Variants in GUCY1A2 observed in about 807,000 individuals in gnomAD.
GUCY1A2 encodes the protein guanylate cyclase soluble subunit alpha-2.
Under a neutral mutation model 63.5 loss-of-function variants are expected in GUCY1A2, and 27 were observed. That is an observed-to-expected ratio of 0.43 (90% CI 0.31 to 0.59). The LOEUF is 0.59. GUCY1A2 is among the 20% of genes least tolerant of loss of function. GUCY1A2 has a pLI of 0.11. For missense variants in GUCY1A2, 768 were observed against 913.3 expected (o/e 0.84, Z 2.05); for synonymous variants, 364 against 343.5 (o/e 1.06, Z -0.66).
At chr11:106,897,308 A>T (rs1319391400) in intron 4 of GUCY1A2, among the ~76,000 whole-genome samples, 1 of 152,166 alleles carries the variant, frequency 6.6e-6, no homozygotes, top group Non-Finnish European at 1.5e-5. Flanking sequence ...TCTCTGTTAA[A>T]ATCCCAGCAA....
intron 4 of GUCY1A2, among the ~76,000 whole-genome samples, chr11:106,931,943 T>C (rs1442256188): frequency 6.6e-6 from 1 of 152,112 alleles, no homozygotes; most frequent in Non-Finnish European, 1.5e-5. Context: ...TATTGCACTG[T>C]ATACTTACCA....
intron 6 of GUCY1A2, among the ~76,000 whole-genome samples, chr11:106,767,469 A>G (rs909751351): frequency 4.6e-5 from 7 of 152,136 alleles, no homozygotes; most frequent in Non-Finnish European, 8.8e-5. Context: ...CAAATATCAT[A>G]ATAAAACTTT....
chr11:106,876,178 C>A (rs1268061710), intron 4 of GUCY1A2, among the ~76,000 whole-genome samples: 1 of 151,942 alleles, frequency 6.6e-6, no homozygotes, highest in Non-Finnish European at 1.5e-5. Context: ...ATTTACCATT[C>A]CTAACATAAA....
chr11:106,746,178 G>C (rs1022367235), intron 6 of GUCY1A2, among the ~76,000 whole-genome samples: 1 of 151,992 alleles, frequency 6.6e-6, no homozygotes. Flanking sequence ...GAGAGCAGTA[G>C]CTCATAGTGG....
intron 3 of GUCY1A2, among the ~76,000 whole-genome samples, chr11:106,955,444 T>C (rs913399920): frequency 2.0e-5 from 3 of 152,176 alleles, no homozygotes; most frequent in Admixed American, 6.5e-5. Flanking sequence ...CTGGTACTGG[T>C]TTTTCCTTTC....
chr11:106,706,567 C>A (rs1591238566), intron 7 of GUCY1A2, among the ~76,000 whole-genome samples: 1 of 149,150 alleles, frequency 6.7e-6, no homozygotes, highest in Admixed American at 6.7e-5. Flanking sequence ...TTTAATACAT[C>A]ACTATGTAAA....
At chr11:106,987,767 A>C (rs773612730) in intron 1 of GUCY1A2, among the ~76,000 whole-genome samples, 20 of 151,788 alleles carry the variant, frequency 1.3e-4, no homozygotes, top group Non-Finnish European at 2.9e-4. Context: ...CCTACCTAAC[A>C]CTCTTCGAAT....
intron 4 of GUCY1A2, among the ~76,000 whole-genome samples, chr11:106,861,010 G>C (rs1418764543): frequency 1.3e-5 from 2 of 151,894 alleles, no homozygotes; most frequent in African/African-American, 4.8e-5. Context: ...ATGAGAAGAA[G>C]ATTATTTGCT....
chr11:106,932,499 C>T (rs1428990263), intron 4 of GUCY1A2, among the ~76,000 whole-genome samples: 2 of 151,954 alleles, frequency 1.3e-5, no homozygotes, highest in Admixed American at 6.6e-5. Flanking sequence ...TGAGCCTTGT[C>T]GCTCATAGTT....
intron 5 of GUCY1A2, among the ~76,000 whole-genome samples, chr11:106,805,248 A>ATTT (rs11424210): frequency 7.0e-6 from 1 of 143,056 alleles, no homozygotes; most frequent in South Asian, 2.2e-4. Context: ...TATCACTAAC[A>ATTT]TTTTTTTTTT....
At chr11:106,767,379 A>ACTAACTTATTAACTATTCTT (rs2135396079) in intron 6 of GUCY1A2, among the ~76,000 whole-genome samples, 1 of 152,118 alleles carries the variant, frequency 6.6e-6, no homozygotes, top group Non-Finnish European at 1.5e-5. Flanking sequence ...TTTTTCTTTC[A>ACTAACTTATTAACTATTCTT]CTAACTTATT....
At chr11:106,746,487 G>A (rs2135382134) in intron 6 of GUCY1A2, 1 of 816,644 alleles carries the variant, frequency 1.2e-6, no homozygotes, top group Non-Finnish European at 2.0e-6. Context: ...AAGGAAGTAA[G>A]TAATAACCAA....
At chr11:106,801,542 A>G (rs1186740058) in intron 5 of GUCY1A2, among the ~76,000 whole-genome samples, 1 of 152,158 alleles carries the variant, frequency 6.6e-6, no homozygotes, top group African/African-American at 2.4e-5. Context: ...GCTATCTGAC[A>G]CATGAATGAT....
intron 7 of GUCY1A2, among the ~76,000 whole-genome samples, chr11:106,695,956 C>G (rs1382285825): frequency 1.3e-5 from 2 of 152,086 alleles, no homozygotes; most frequent in South Asian, 4.1e-4. Context: ...AATGATAAGG[C>G]AGAGAGTCTC....
rs571379375 is a variant in GUCY1A2, at chr11:106,960,622, G to T, written c.487+17997C>A. 1.2e-4 allele frequency among the ~76,000 whole-genome samples: 18 copies of T among 152,220 alleles called. No homozygotes were observed. In the South Asian group the frequency reaches 3.7e-3, roughly 32 times the overall value. On this transcript the variant is annotated intron_variant, in intron 3 of 7. Coordinates refer to ENST00000526355, the MANE Select transcript of GUCY1A2 (RefSeq NM_000855.3). Reference sequence around the variant, plus strand: ...TACATTTTAATTTAAATTCAAGAGGGCTCATTAATGGGGAAATGTAGATAA... The same window carrying T: ...TACATTTTAATTTAAATTCAAGAGGTCTCATTAATGGGGAAATGTAGATAA...
intron 3 of GUCY1A2, among the ~76,000 whole-genome samples, chr11:106,961,895 C>A (rs112284213): frequency 1.3e-5 from 2 of 152,172 alleles, no homozygotes; most frequent in South Asian, 4.1e-4. Flanking sequence ...GTAGAAATCT[C>A]CCAATGTAGG....
chr11:106,991,771 A>G (rs919370194), intron 1 of GUCY1A2, among the ~76,000 whole-genome samples: 1 of 152,210 alleles, frequency 6.6e-6, no homozygotes, highest in Non-Finnish European at 1.5e-5. Flanking sequence ...TGAAGCATAA[A>G]TACGAGATTT....
At chr11:107,007,258 G>C (rs1236543180) in intron 1 of GUCY1A2, among the ~76,000 whole-genome samples, 2 of 152,240 alleles carry the variant, frequency 1.3e-5, no homozygotes, top group South Asian at 2.1e-4. Context: ...CTAGTTACCA[G>C]GTTACCTGAT....
At chr11:106,857,343 C>A (rs1209039291) in intron 4 of GUCY1A2, among the ~76,000 whole-genome samples, 1 of 152,170 alleles carries the variant, frequency 6.6e-6, no homozygotes, top group Non-Finnish European at 1.5e-5. Flanking sequence ...TAATCTCATT[C>A]CTGAGGGCTC....
Sources: gnomAD v4.1 joint callset for allele counts (sites outside exome capture counted in the v4.1 genomes callset) on GRCh38, gnomAD v4.1.1 for gene constraint, MANE v1.5 for transcripts, NCBI Gene and HGNC (gene_info 2026-07-23, HGNC 2026-07-21) for gene names.